ACSL5: variants seen among roughly 807,000 people sequenced by gnomAD.
ACSL5 encodes acyl-CoA synthetase long chain family member 5.
In ACSL5, 50 loss-of-function variants were observed where a neutral mutation model predicts 84.9. The ratio of observed to expected loss-of-function variants is 0.59; its 90% CI spans 0.47 to 0.75. The LOEUF (loss-of-function observed/expected upper bound fraction) is 0.75, where lower values mean the gene tolerates loss of function less well. Ranked by LOEUF, ACSL5 falls within the 30% of genes least tolerant of loss-of-function variation. ACSL5 has a pLI of 0.00. For synonymous variants in ACSL5, 280 were observed against 300.7 expected, an observed-to-expected ratio of 0.93 and a Z score of 0.71; for missense variants, 775 against 830.4, an observed-to-expected ratio of 0.93 and a Z score of 0.82.
At chr10:112,376,168 A>C in intron 1 of ACSL5, 1 of 1,199,320 alleles carries the variant, frequency 8.3e-7, no homozygotes, top group South Asian at 1.5e-5. Context: ...TGGTCAGAAC[A>C]CTTCCACTTT....
At chr10:112,420,535 C>T (rs997138641) in intron 14 of ACSL5, among the ~76,000 whole-genome samples, 1 of 152,096 alleles carries the variant, frequency 6.6e-6, no homozygotes, top group African/African-American at 2.4e-5. Context: ...AAAGTTTGCC[C>T]ACCCTTGTTT....
intron 15 of ACSL5, 108 bp from the exon 16 acceptor site, chr10:112,421,839 A>C: frequency 7.3e-7 from 1 of 1,378,628 alleles, no homozygotes; most frequent in East Asian, 2.3e-5. Flanking sequence ...GTGCCAGGTG[A>C]TTTTTCAGTC....
At chr10:112,425,509 T>C in intron 18 of ACSL5, 28 bp downstream of exon 18, 2 of 1,559,350 alleles carry the variant, frequency 1.3e-6, no homozygotes, top group Non-Finnish European at 1.7e-6. Context: ...CAATAGCCCA[T>C]TTCAGTCACA....
At chr10:112,397,546 G>A (rs1843776434) in intron 2 of ACSL5, among the ~76,000 whole-genome samples, 1 of 152,026 alleles carries the variant, frequency 6.6e-6, no homozygotes, top group South Asian at 2.1e-4. Flanking sequence ...TTACCTCCAT[G>A]CCTTTGCTCA....
chr10:112,418,952 T>C (rs1311951369), intron 14 of ACSL5: 1 of 152,230 alleles, frequency 6.6e-6, no homozygotes, highest in East Asian at 1.9e-4. Flanking sequence ...ACTTGTGTTG[T>C]GCAAGGGTCA....
chr10:112,391,706 T>C (rs1257177867), intron 1 of ACSL5, among the ~76,000 whole-genome samples: 1 of 152,200 alleles, frequency 6.6e-6, no homozygotes, highest in Admixed American at 6.5e-5. Flanking sequence ...ATGAAATGTG[T>C]TCTTGTTTAT....
At chr10:112,424,501 T>C (rs1018082916) in intron 17 of ACSL5, 2 of 152,222 alleles carry the variant, frequency 1.3e-5, no homozygotes, top group African/African-American at 4.8e-5. Flanking sequence ...AGTAACAGAA[T>C]TAAATAACAC....
At position 112,411,477 on chromosome 10, in the gene ACSL5, T is replaced by A; in HGVS notation, c.818T>A (p.Ile273Lys). 3.1e-6 allele frequency: 5 copies of A among 1,613,946 alleles called. No homozygotes were observed. Among genetic ancestry groups the A allele is most frequent in the Non-Finnish European group, 4.2e-6 (5 of 1,179,778 alleles). Residue 273 changes from isoleucine to lysine, a missense_variant, in exon 10 of 21, where the codon ATA becomes AAA. By Grantham distance (102) the Ile-to-Lys change is moderately radical. Coordinates refer to ENST00000354655, the MANE Select transcript of ACSL5 (RefSeq NM_203379.2). ...GTTGDPKGAM[I>K]THQNIVSNAA... ...ACAGGTGACCCCAAAGGAGCCATGA[T>A]AACCCATCAAAATATTGTTTCAAAT...
At chr10:112,383,602 T>C (rs565769106) in intron 1 of ACSL5, among the ~76,000 whole-genome samples, 47 of 152,338 alleles carry the variant, frequency 3.1e-4, no homozygotes, top group African/African-American at 1.1e-3. Context: ...GATTACTCAG[T>C]GGCTGAGAAG....
intron 19 of ACSL5, 162 bp downstream of exon 19, chr10:112,426,521 C>G: frequency 1.6e-6 from 1 of 636,366 alleles, no homozygotes; most frequent in South Asian, 2.0e-5. Flanking sequence ...AAATAAAACT[C>G]TCTTTTCTAT....
chr10:112,394,057 G>A (rs1843695762), intron 1 of ACSL5, among the ~76,000 whole-genome samples: 1 of 152,176 alleles, frequency 6.6e-6, no homozygotes, highest in Admixed American at 6.5e-5. Flanking sequence ...TTCAGCCAAG[G>A]GTATGTTCCT....
At chr10:112,380,544 C>T (rs1393156041) in intron 1 of ACSL5, among the ~76,000 whole-genome samples, 1 of 152,022 alleles carries the variant, frequency 6.6e-6, no homozygotes, top group Non-Finnish European at 1.5e-5. Flanking sequence ...CTAAATGTCC[C>T]ACTTGTCCCA....
chr10:112,411,422 A>C, intron 9 of ACSL5, 34 bp from the exon 10 acceptor site: 1 of 1,559,466 alleles, frequency 6.4e-7, no homozygotes, highest in Non-Finnish European at 8.8e-7. Context: ...TAGCTACATA[A>C]AGTATCTTTC....
intron 1 of ACSL5, among the ~76,000 whole-genome samples, chr10:112,374,559 A>G (rs1263801941): frequency 1.3e-5 from 2 of 152,200 alleles, no homozygotes; most frequent in Non-Finnish European, 2.9e-5. Context: ...CCAAGCCAGA[A>G]TGTGGGTCTC....
At chr10:112,376,283 G>T in intron 1 of ACSL5, 4 of 1,613,978 alleles carry the variant, frequency 2.5e-6, no homozygotes, top group Non-Finnish European at 3.4e-6. Flanking sequence ...CAGAACTGGG[G>T]ACACTCTGGG....
At chr10:112,384,913 A>G (rs1849420637) in intron 1 of ACSL5, among the ~76,000 whole-genome samples, 1 of 152,048 alleles carries the variant, frequency 6.6e-6, no homozygotes, top group Non-Finnish European at 1.5e-5. Context: ...CTGTCCAAAT[A>G]TTTTTTTCTT....
At chr10:112,393,454 C>T (rs1015638225) in intron 1 of ACSL5, among the ~76,000 whole-genome samples, 4 of 152,158 alleles carry the variant, frequency 2.6e-5, no homozygotes, top group Non-Finnish European at 5.9e-5. Flanking sequence ...TTCCTGCCCC[C>T]ACACAAAATT....
intron 14 of ACSL5, among the ~76,000 whole-genome samples, chr10:112,420,708 T>C (rs1045877857): frequency 7.2e-5 from 11 of 152,024 alleles, no homozygotes; most frequent in South Asian, 2.1e-4. Flanking sequence ...TGCATTTTCT[T>C]TTCTTTTTTT....
rs1316837616 is a variant in ACSL5, at chr10:112,416,800, A to G, written c.1084-88A>G. On this transcript the variant is annotated intron_variant, in intron 12 of 20. Transcript: ENST00000354655. ...GAGACTGTGAGACCACTTCCTTATA[A>G]AGCTAGAACACACTGTTTCTTGCTC... is the stretch of plus-strand genomic sequence containing the variant. 8 of 1,429,648 alleles carry G rather than the reference A, an allele frequency of 5.6e-6. No homozygotes were observed. In the South Asian group the frequency reaches 1.0e-4, roughly 18 times the overall value. The allele number at this position is 1,429,648 out of a possible 1,614,324, so 88.6% of individuals were successfully genotyped here.
Sources: allele counts gnomAD v4.1 joint callset (sites outside exome capture counted in the v4.1 genomes callset), GRCh38; gene constraint gnomAD v4.1.1; transcripts MANE v1.5; gene names NCBI Gene and HGNC (gene_info 2026-07-23, HGNC 2026-07-21).